FKBP4: variants seen among roughly 807,000 people sequenced by gnomAD.
FKBP4 encodes FKBP prolyl isomerase 4.
In FKBP4, 28 loss-of-function variants were observed where a neutral mutation model predicts 54.1. The observed-to-expected ratio is 0.52, with a 90% CI of 0.38 to 0.71. FKBP4 has a LOEUF of 0.71. Ranked by LOEUF, FKBP4 falls within the 30% of genes least tolerant of loss-of-function variation. The pLI is 0.00. For synonymous variants in FKBP4, 223 were observed against 216.1 expected (o/e 1.03, Z -0.28); for missense variants, 493 against 574.4 (o/e 0.86, Z 1.45).
At chr12:2,801,914 G>A in intron 9 of FKBP4, 1 of 162,508 alleles carries the variant, frequency 6.2e-6, no homozygotes, top group Non-Finnish European at 1.4e-5. Context: ...TCAAGGCACA[G>A]GCAGACGTTC....
chr12:2,794,975 C>G lies in FKBP4; in HGVS notation c.-165C>G. On this transcript the variant is annotated 5_prime_UTR_variant, in exon 1 of 10. Coordinates refer to ENST00000001008, the MANE Select transcript of FKBP4 (RefSeq NM_002014.4). ...CCCGAGCCGCTCCTGACCCACCTAC[C>G]CCAGCTCTCGCGCCGCGTGCAGAGG... 1 of 336,336 alleles carries G rather than the reference C, an allele frequency of 3.0e-6. No individual in the cohort carries two copies. Among genetic ancestry groups the G allele is most frequent in the Non-Finnish European group, 5.3e-6 (1 of 188,638 alleles). 20.8% of individuals were successfully genotyped at this position (336,336 alleles called of 1,614,324 possible).
chr12:2,796,117 G>A (rs1345295993), intron 1 of FKBP4: 4 of 1,219,656 alleles, frequency 3.3e-6, no homozygotes, highest in Middle Eastern at 5.9e-4. Flanking sequence ...GAGAATCAGA[G>A]ATGGTGAATT....
At position 2,805,129 on chromosome 12, in the gene FKBP4, C is replaced by T. The variant is rs1460127989; in HGVS notation, c.*1871C>T. The T allele has an allele frequency of 2.2e-6, 1 of 455,468 alleles. No individual in the cohort carries two copies. The highest frequency in any genetic ancestry group is 7.0e-5 in the East Asian group (1 of 14,380). The allele number at this position is 455,468 out of a possible 1,614,324, so 28.2% of individuals were successfully genotyped here. A position where few individuals can be genotyped will look rare whatever the true frequency, so the allele number is the denominator to read the frequency against. On this transcript the variant is annotated 3_prime_UTR_variant, in exon 10 of 10. Transcript: ENST00000001008. The stretch of plus-strand genomic sequence containing the variant: ...AGTGAAACTGAATCCTTGCAACCAT[C>T]CTACAAAGAAGGTATAACTTTAATA...
At chr12:2,796,903 C>CTCTT in intron 1 of FKBP4, 2 of 1,337,504 alleles carry the variant, frequency 1.5e-6, no homozygotes, top group Non-Finnish European at 1.9e-6. Flanking sequence ...GAACTCAGAT[C>CTCTT]TCTCAGCCTT....
In FKBP4 at chr12:2,803,735, C is replaced by G. The variant is rs2097906102; in HGVS notation, c.*477C>G. 6.4e-6 allele frequency: 1 copy of G among 157,064 alleles called. No individual in the cohort carries two copies. The highest frequency in any genetic ancestry group is 1.4e-5 in the Non-Finnish European group (1 of 70,458). The allele number at this position is 157,064 out of a possible 1,614,324, so 9.7% of individuals were successfully genotyped here. ...TGCTATGCCATTTCTTCTCTCTGTT[C>G]CCTTCCTCACCCCCGACGGTGTGGC... On this transcript the variant is annotated 3_prime_UTR_variant, in exon 10 of 10. Transcript: ENST00000001008.
chr12:2,798,687 G>C lies in FKBP4; in HGVS notation c.394-19G>C. On this transcript the variant is annotated intron_variant, in intron 3 of 9. Transcript: ENST00000001008. This position sits in a 1 kb window ranked among gnomAD's most constrained non-coding sequence, Gnocchi z 4.3. ...ATGAGTTAGCATGGGAAGGAATTGT[G>C]TCACATCTTGTCCCACAGGTGGAGT... 6.2e-7 allele frequency: 1 copy of C among 1,612,880 alleles called. No homozygotes were observed.
chr12:2,800,407 CA>C lies in FKBP4; in HGVS notation c.864del (p.Ala289LeufsTer42). 1.2e-6 allele frequency: 2 copies of C among 1,610,784 alleles called. No individual in the cohort carries two copies. Among genetic ancestry groups the C allele is most frequent in the Non-Finnish European group, 1.7e-6 (2 of 1,178,448 alleles). On this transcript the variant is annotated frameshift_variant, in exon 8 of 10. Coordinates refer to ENST00000001008, the MANE Select transcript of FKBP4 (RefSeq NM_002014.4). LOFTEE classifies it high-confidence loss of function. ...CCCATTCCAGGAAGGTAAATACAAG[CA>C]AGCTTTACTACAGTATAAGAAGATC... ...TVYFKEGKYK[Q>X]ALLQYKKIVS...
intron 9 of FKBP4, 40 bp downstream of exon 9, chr12:2,801,396 CCA>C: frequency 6.2e-7 from 1 of 1,609,198 alleles, no homozygotes. Context: ...TAGCATCCCT[CCA>C]CTTAACCTGG....
In FKBP4 at chr12:2,795,260, G is replaced by GCCTGCGGAGGCGTCGGAA. The variant is rs1380094912; in HGVS notation, c.105+19_105+36dup. 6.3e-6 allele frequency: 8 copies of GCCTGCGGAGGCGTCGGAA among 1,278,872 alleles called. No individual in the cohort carries two copies. The East Asian group carries it at 2.5e-4, about 39-fold the overall frequency. 79.2% of individuals were successfully genotyped at this position (1,278,872 alleles called of 1,614,324 possible). ...CGTGCTGAAGGTGAGGGGCGGCGGG[G>GCCTGCGGAGGCGTCGGAA]CCTGCGGAGGCGTCGGAACCCGGGG... is the stretch of plus-strand genomic sequence containing the variant. On this transcript the variant is annotated intron_variant, in intron 1 of 9. Coordinates refer to ENST00000001008, the MANE Select transcript of FKBP4 (RefSeq NM_002014.4). This position sits in a 1 kb window ranked among gnomAD's most constrained non-coding sequence, Gnocchi z 4.3.
chr12:2,800,145 A>C, intron 7 of FKBP4, 23 bp downstream of exon 7: 3 of 1,607,270 alleles, frequency 1.9e-6, no homozygotes, highest in Non-Finnish European at 2.6e-6. Context: ...TCATTGTCCT[A>C]AGGACACTCC....
At position 2,798,688 on chromosome 12, in the gene FKBP4, T is replaced by G. The variant is rs373902945; in HGVS notation, c.394-18T>G. The G allele has an allele frequency of 1.2e-6, 2 of 1,612,872 alleles. No individual in the cohort carries two copies. Among genetic ancestry groups the G allele is most frequent in the Admixed American group, 1.7e-5 (1 of 60,006 alleles). ...TGAGTTAGCATGGGAAGGAATTGTGTCACATCTTGTCCCACAGGTGGAGTT... is the reference window on the plus strand; with the variant it reads ...TGAGTTAGCATGGGAAGGAATTGTGGCACATCTTGTCCCACAGGTGGAGTT... On this transcript the variant is annotated intron_variant, in intron 3 of 9. Transcript: ENST00000001008. The surrounding 1 kb of genome is among the most constrained non-coding windows in gnomAD (Gnocchi z 4.3).
intron 1 of FKBP4, 29 bp from the exon 2 acceptor site, chr12:2,797,109 G>A (rs1312925953): frequency 1.2e-6 from 2 of 1,611,516 alleles, no homozygotes; most frequent in Non-Finnish European, 1.7e-6. Context: ...CAAACCCTGG[G>A]GTACTCACTT....
At chr12:2,799,342 C>T (rs1565397101) in intron 5 of FKBP4, 98 bp downstream of exon 5, 1 of 1,270,294 alleles carries the variant, frequency 7.9e-7, no homozygotes, top group Non-Finnish European at 1.1e-6. Context: ...CTTTTTAACT[C>T]TGGCCACACC....
rs545116794 is a variant in FKBP4, at chr12:2,797,863, G to C, written c.385G>C (p.Val129Leu). The C allele has an allele frequency of 1.9e-6, 3 of 1,613,110 alleles. No individual in the cohort carries two copies. Among genetic ancestry groups the C allele is most frequent in the Non-Finnish European group, 2.5e-6 (3 of 1,179,386 alleles). ...AAAGATTCCCCCCAATGCCACGCTT[G>C]TATTTGAGGTGAGTGTTTGGTCACT... ...PPKIPPNATLVFEVELFEFKG... is the reference protein window; with the variant it reads ...PPKIPPNATLLFEVELFEFKG... The change falls in exon 3 of 10, where the codon GTA becomes CTA. Residue 129 changes from valine (V) to leucine (L), a missense_variant. Physicochemically the swap from Val to Leu is conservative, Grantham distance 32 (BLOSUM62 1). Transcript: ENST00000001008.
intron 8 of FKBP4, among the ~76,000 whole-genome samples, 199 bp downstream of exon 8, chr12:2,800,776 G>A (rs1383676771): frequency 6.6e-6 from 1 of 152,236 alleles, no homozygotes; most frequent in Non-Finnish European, 1.5e-5. Context: ...CAGTTGGCAA[G>A]AAGGAGGAGG....
At chr12:2,796,972 G>T in intron 1 of FKBP4, 166 bp from the exon 2 acceptor site, 1 of 1,397,418 alleles carries the variant, frequency 7.2e-7, no homozygotes, top group South Asian at 1.6e-5. Flanking sequence ...AAGGTTAGTT[G>T]ACTCATAAGC....
In FKBP4 at chr12:2,803,834, C is replaced by CT. The variant is rs760995625; in HGVS notation, c.*577dup. The CT allele has an allele frequency of 2.6e-5, 4 of 153,246 alleles. No individual in the cohort carries two copies. The highest frequency in any genetic ancestry group is 4.4e-5 in the Non-Finnish European group (3 of 68,472). The allele number at this position is 153,246 out of a possible 1,614,324, so 9.5% of individuals were successfully genotyped here. On this transcript the variant is annotated 3_prime_UTR_variant, in exon 10 of 10. Transcript: ENST00000001008. ...GGTATTTCCCCTGTCAGTTTCCCCT[C>CT]TCGGCCAGGTTGTGTCCCAAAATCC...
chr12:2,796,641 T>C (rs1188820387), intron 1 of FKBP4: 1 of 1,131,240 alleles, frequency 8.8e-7, no homozygotes, highest in African/African-American at 1.6e-5. Context: ...TTGAACTGTT[T>C]CTATTCTCTT....
intron 1 of FKBP4, 188 bp from the exon 2 acceptor site, chr12:2,796,950 A>C: frequency 2.2e-6 from 3 of 1,380,162 alleles, no homozygotes. Context: ...GCTGCACCTC[A>C]AGAAAGACAA....
Sources: gnomAD v4.1 joint callset for allele counts (sites outside exome capture counted in the v4.1 genomes callset) on GRCh38, gnomAD v4.1.1 for gene constraint, Gnocchi (gnomAD v3.1) non-coding constraint, MANE v1.5 for transcripts, NCBI Gene and HGNC (gene_info 2026-07-23, HGNC 2026-07-21) for gene names.